Variants in PRDM5 observed in about 807,000 individuals in gnomAD.
The protein encoded by PRDM5 is PR domain zinc finger protein 5.
PRDM5 carries 56 observed loss-of-function variants against 81.2 expected under a neutral mutation model. The ratio of observed to expected loss-of-function variants is 0.69; its 90% CI spans 0.56 to 0.86. PRDM5 has a LOEUF of 0.86. Among genes scored for constraint, PRDM5 ranks in the 40% least tolerant of loss-of-function variants. PRDM5 has a pLI of 0.00. For synonymous variants in PRDM5, 267 were observed against 256.4 expected (o/e 1.04, Z -0.39); for missense variants, 697 against 770.1 (o/e 0.91, Z 1.12).
chr4:120,692,515 A>C lies in PRDM5; in HGVS notation c.*2596T>G, dbSNP rs1207903187. 6.6e-6 allele frequency: 1 copy of C among 152,168 alleles called. No individual in the cohort carries two copies. Among genetic ancestry groups the C allele is most frequent in the African/African-American group, 2.4e-5 (1 of 41,454 alleles). The allele number at this position is 152,168 out of a possible 1,614,324, so 9.4% of individuals were successfully genotyped here. On this transcript the variant is annotated 3_prime_UTR_variant, in exon 16 of 16. Coordinates refer to ENST00000264808, the MANE Select transcript of PRDM5 (RefSeq NM_018699.4). Reference sequence around the variant, plus strand: ...TATATAGCCAACAACACACCATGAAAAGGAAAACAAAAGCCAGTTATTGTG... The same window carrying C: ...TATATAGCCAACAACACACCATGAACAGGAAAACAAAAGCCAGTTATTGTG...
intron 3 of PRDM5, chr4:120,839,275 CT>C: frequency 1.4e-6 from 1 of 703,076 alleles, no homozygotes; most frequent in South Asian, 1.5e-5. Flanking sequence ...AATTCTTGTC[CT>C]GTGACCAGGA....
At chr4:120,752,393 C>A (rs1744136852) in intron 14 of PRDM5, among the ~76,000 whole-genome samples, 1 of 152,154 alleles carries the variant, frequency 6.6e-6, no homozygotes, top group Non-Finnish European at 1.5e-5. Flanking sequence ...ACTCATTACT[C>A]ATTGTGGGGG....
chr4:120,711,966 C>A, intron 14 of PRDM5, among the ~76,000 whole-genome samples: 1 of 152,028 alleles, frequency 6.6e-6, no homozygotes, highest in East Asian at 1.9e-4. Flanking sequence ...TTTTTTTAAT[C>A]AAATATATCT....
chr4:120,864,752 T>G (rs967775928), intron 2 of PRDM5, among the ~76,000 whole-genome samples: 1 of 152,222 alleles, frequency 6.6e-6, no homozygotes, highest in Non-Finnish European at 1.5e-5. Flanking sequence ...TGATCTGTAC[T>G]TGTTCCTAAA....
At chr4:120,747,328 A>G (rs1743267294) in intron 14 of PRDM5, among the ~76,000 whole-genome samples, 1 of 149,952 alleles carries the variant, frequency 6.7e-6, no homozygotes, top group Non-Finnish European at 1.5e-5. Context: ...AGATATACCT[A>G]ATGCTAGATG....
In PRDM5 at chr4:120,694,428, G is replaced by A. The variant is rs1273602534; in HGVS notation, c.*683C>T. On this transcript the variant is annotated 3_prime_UTR_variant, in exon 16 of 16. Coordinates refer to ENST00000264808, the MANE Select transcript of PRDM5 (RefSeq NM_018699.4). Reference sequence around the variant, plus strand: ...AGACCATGAATGTCTGCATCTGAATGATGAGAATAAATAATGTTTCCTAAG... The same window carrying A: ...AGACCATGAATGTCTGCATCTGAATAATGAGAATAAATAATGTTTCCTAAG... The A allele has an allele frequency of 6.6e-6, 1 of 152,160 alleles. No homozygotes were observed. Among genetic ancestry groups the A allele is most frequent in the African/African-American group, 2.4e-5 (1 of 41,428 alleles). The allele number at this position is 152,160 out of a possible 1,614,324, so 9.4% of individuals were successfully genotyped here.
chr4:120,919,602 T>G (rs1423928213), intron 1 of PRDM5, among the ~76,000 whole-genome samples: 1 of 152,164 alleles, frequency 6.6e-6, no homozygotes, highest in Non-Finnish European at 1.5e-5. Context: ...AAACAAAAAA[T>G]GTAATGTAGT....
intron 14 of PRDM5, among the ~76,000 whole-genome samples, chr4:120,752,944 C>G (rs1212048864): frequency 6.6e-6 from 1 of 152,106 alleles, no homozygotes; most frequent in Non-Finnish European, 1.5e-5. Flanking sequence ...TCATTAATAA[C>G]TTTATATTAA....
chr4:120,868,726 C>A (rs1276728598), intron 2 of PRDM5, among the ~76,000 whole-genome samples: 2 of 152,078 alleles, frequency 1.3e-5, no homozygotes, highest in Non-Finnish European at 2.9e-5. Context: ...GTAGGTAACA[C>A]AAAGGAGTAT....
At chr4:120,868,331 A>G (rs572355876) in intron 2 of PRDM5, among the ~76,000 whole-genome samples, 1 of 152,338 alleles carries the variant, frequency 6.6e-6, no homozygotes, top group Admixed American at 6.5e-5. Flanking sequence ...AATCAAGCAC[A>G]TTCACATTTC....
rs1246845216 is a variant in PRDM5, at chr4:120,742,457, G to T, written c.1623+12096C>A. Reference sequence around the variant, plus strand: ...TGACTTTGACGAGTTGAGAGAAGAAGGCTTCAGATGATCAAATTACTCTGA... The same window carrying T: ...TGACTTTGACGAGTTGAGAGAAGAATGCTTCAGATGATCAAATTACTCTGA... On this transcript the variant is annotated intron_variant, in intron 14 of 15. Transcript: ENST00000264808. Among the ~76,000 whole-genome samples the T allele has an allele frequency of 3.9e-5, 6 of 152,284 alleles. No homozygotes were observed. The South Asian group carries it at 1.2e-3, about 32-fold the overall frequency.
At chr4:120,867,892 T>A (rs1458601212) in intron 2 of PRDM5, among the ~76,000 whole-genome samples, 1 of 152,210 alleles carries the variant, frequency 6.6e-6, no homozygotes, top group Non-Finnish European at 1.5e-5. Flanking sequence ...TAAACTCTAA[T>A]GACAAGCAAA....
chr4:120,870,679 T>C (rs981322338), intron 2 of PRDM5, among the ~76,000 whole-genome samples: 3 of 152,118 alleles, frequency 2.0e-5, no homozygotes, highest in Non-Finnish European at 4.4e-5. Flanking sequence ...AAGAGTCAAG[T>C]GTGAGGCAGG....
At chr4:120,724,438 T>C (rs1739100647) in intron 14 of PRDM5, among the ~76,000 whole-genome samples, 1 of 152,194 alleles carries the variant, frequency 6.6e-6, no homozygotes, top group Non-Finnish European at 1.5e-5. Context: ...AGTATCCTTG[T>C]CGATTTAGGC....
intron 2 of PRDM5, among the ~76,000 whole-genome samples, chr4:120,894,859 C>T (rs548232498): frequency 2.0e-5 from 3 of 152,198 alleles, no homozygotes; most frequent in East Asian, 3.9e-4. Flanking sequence ...ATAAGTTCAA[C>T]TTCAATTACC....
intron 2 of PRDM5, among the ~76,000 whole-genome samples, chr4:120,903,242 C>G (rs1318447586): frequency 1.3e-5 from 2 of 152,094 alleles, no homozygotes; most frequent in Non-Finnish European, 2.9e-5. Flanking sequence ...ACTCCCATAA[C>G]CAATCTAAAT....
intron 13 of PRDM5, among the ~76,000 whole-genome samples, chr4:120,775,882 C>A (rs562168634): frequency 6.1e-4 from 93 of 152,294 alleles, no homozygotes; most frequent in African/African-American, 2.2e-3. Flanking sequence ...AAAGATTACA[C>A]CACTAGACTG....
At chr4:120,761,707 T>C (rs1479720752) in intron 13 of PRDM5, among the ~76,000 whole-genome samples, 2 of 152,156 alleles carry the variant, frequency 1.3e-5, no homozygotes, top group Non-Finnish European at 1.5e-5. Context: ...AAAATCTATG[T>C]TTACAATACA....
chr4:120,824,415 A>T (rs1412040631), intron 3 of PRDM5, among the ~76,000 whole-genome samples: 1 of 152,176 alleles, frequency 6.6e-6, no homozygotes, highest in Non-Finnish European at 1.5e-5. Flanking sequence ...ACTCTGCCTA[A>T]GGGCTGAGAT....
Sources: allele counts gnomAD v4.1 joint callset (sites outside exome capture counted in the v4.1 genomes callset), GRCh38; gene constraint gnomAD v4.1.1; transcripts MANE v1.5; gene names NCBI Gene and HGNC (gene_info 2026-07-23, HGNC 2026-07-21).